Variants in TMEM67 observed in about 807,000 individuals in gnomAD.
The protein encoded by TMEM67 is meckelin.
Under a neutral mutation model 136.6 loss-of-function variants are expected in TMEM67, and 124 were observed. The ratio of observed to expected loss-of-function variants is 0.91; its 90% confidence interval spans 0.78 to 1.05. The LOEUF (loss-of-function observed/expected upper bound fraction) is 1.05, where lower values mean the gene tolerates loss of function less well. TMEM67 is among the 50% of genes least tolerant of loss of function. TMEM67 has a pLI of 0.00. For synonymous variants in TMEM67, 364 were observed against 390.5 expected (o/e 0.93, Z 0.80); for missense variants, 1,107 against 1,178.4 (o/e 0.94, Z 0.89).
chr8:93,811,030 T>C (rs2130786804), intron 26 of TMEM67, among the ~76,000 whole-genome samples: 1 of 152,340 alleles, frequency 6.6e-6, no homozygotes, highest in Non-Finnish European at 1.5e-5. Flanking sequence ...CTAGATATCA[T>C]TTACCCATAT....
intron 3 of TMEM67, chr8:93,760,071 AT>A: frequency 9.6e-7 from 1 of 1,045,012 alleles, no homozygotes; most frequent in Non-Finnish European, 1.3e-6. Context: ...AAGATTAAAT[AT>A]TAGAAAGATG....
chr8:93,773,585 T>C (rs1813413367), intron 7 of TMEM67, among the ~76,000 whole-genome samples: 1 of 152,196 alleles, frequency 6.6e-6, no homozygotes, highest in Non-Finnish European at 1.5e-5. Flanking sequence ...CAGAATTTAC[T>C]CATGAGCTGG....
rs749014913 is a variant in TMEM67 at position 93,765,590 on chromosome 8, A to G, written c.595A>G (p.Ser199Gly). The G allele has an allele frequency of 1.2e-6, 2 of 1,613,094 alleles. No individual in the cohort carries two copies. The highest frequency in any genetic ancestry group is 1.7e-6 in the Non-Finnish European group (2 of 1,179,082). The change falls in exon 6 of 28, where the codon AGC becomes GGC. Residue 199 changes from serine to glycine, a missense_variant. Transcript: ENST00000453321. Reference sequence around the variant, plus strand: ...TATGAAGACAGGGGGATTATGTTTCAGCAGCACAGGGAATTTTCCTCTACG... The same window carrying G: ...TATGAAGACAGGGGGATTATGTTTCGGCAGCACAGGGAATTTTCCTCTACG... ...PNILTGGLCF[S>G]STGNFPLRRI...
downstream of TMEM67, among the ~76,000 whole-genome samples, chr8:93,821,744 CA>C (rs1368956023): frequency 1.3e-5 from 2 of 152,164 alleles, no homozygotes; most frequent in East Asian, 1.9e-4. Context: ...ACCAAAAATA[CA>C]AAAAATTAGC....
At chr8:93,785,924 G>A (rs1290282657) in intron 12 of TMEM67, 3 of 352,598 alleles carry the variant, frequency 8.5e-6, no homozygotes, top group East Asian at 6.7e-5. Flanking sequence ...AAAAAATTTA[G>A]CTTGGTGTGA....
At chr8:93,782,345 A>G (rs554007938) in intron 10 of TMEM67, 50 bp from the exon 11 acceptor site, 3 of 1,448,510 alleles carry the variant, frequency 2.1e-6, no homozygotes, top group East Asian at 2.3e-5. Flanking sequence ...TCTTGAGTAT[A>G]AGAATAGAAA....
intron 4 of TMEM67, 24 bp from the exon 5 acceptor site, chr8:93,765,382 A>G: frequency 3.1e-6 from 5 of 1,589,238 alleles, no homozygotes; most frequent in Non-Finnish European, 3.4e-6. Context: ...ACATTTTTAA[A>G]ATTATTTTTG....
In TMEM67 at chr8:93,780,988, A is replaced by G; in HGVS notation, c.978+6A>G. The G allele has an allele frequency of 6.8e-7, 1 of 1,480,724 alleles. No individual in the cohort carries two copies. The highest frequency in any genetic ancestry group is 9.4e-7 in the Non-Finnish European group (1 of 1,060,126). 91.7% of individuals were successfully genotyped at this position (1,480,724 alleles called of 1,614,324 possible). A position where few individuals can be genotyped will look rare whatever the true frequency, so the allele number is the denominator to read the frequency against. ...GTTTTAAAGGAGAAAACCAGGTAAA[A>G]GTGTCTAATATCATTAGAGGATAAC... is the stretch of plus-strand genomic sequence containing the variant. On this transcript the variant is annotated splice_donor_region_variant and intron_variant, in intron 9 of 27. Coordinates refer to ENST00000453321, the MANE Select transcript of TMEM67 (RefSeq NM_153704.6).
chr8:93,782,541 A>G, intron 11 of TMEM67, 81 bp downstream of exon 11: 2 of 1,009,878 alleles, frequency 2.0e-6, no homozygotes, highest in Non-Finnish European at 2.9e-6. Context: ...TAATACTTAA[A>G]TTTTTGAGAT....
At chr8:93,777,281 G>T (rs948586174) in intron 7 of TMEM67, among the ~76,000 whole-genome samples, 4 of 151,908 alleles carry the variant, frequency 2.6e-5, no homozygotes, top group African/African-American at 9.7e-5. Flanking sequence ...TATCAATTTT[G>T]TTGATCCTTT....
At chr8:93,795,698 G>A (rs1299646283) in intron 17 of TMEM67, among the ~76,000 whole-genome samples, 191 bp downstream of exon 17, 1 of 151,774 alleles carries the variant, frequency 6.6e-6, no homozygotes, top group Non-Finnish European at 1.5e-5. Flanking sequence ...GCTTTCTTTG[G>A]TTTATAAATT....
chr8:93,818,338 G>A (rs1808978964), downstream of TMEM67, among the ~76,000 whole-genome samples: 1 of 152,156 alleles, frequency 6.6e-6, no homozygotes, highest in African/African-American at 2.4e-5. Context: ...AAGCTGTTGT[G>A]TACTTTGGAT....
intron 20 of TMEM67, among the ~76,000 whole-genome samples, chr8:93,797,999 A>G (rs1814697264): frequency 6.6e-6 from 1 of 152,126 alleles, no homozygotes; most frequent in Non-Finnish European, 1.5e-5. Context: ...AAACAAACAA[A>G]CAAAAAGTAG....
chr8:93,779,360 G>C (rs1184670725), intron 7 of TMEM67, among the ~76,000 whole-genome samples: 1 of 152,160 alleles, frequency 6.6e-6, no homozygotes, highest in Non-Finnish European at 1.5e-5. Flanking sequence ...ACTTCTGTCA[G>C]TTTGTCAAAG....
chr8:93,761,430 T>C (rs945650504), intron 3 of TMEM67, among the ~76,000 whole-genome samples: 1 of 152,256 alleles, frequency 6.6e-6, no homozygotes, highest in Admixed American at 6.5e-5. Context: ...ATGGTGTTTA[T>C]CAAAATTAAA....
chr8:93,762,592 C>T (rs1169962393), intron 3 of TMEM67, among the ~76,000 whole-genome samples: 1 of 152,086 alleles, frequency 6.6e-6, no homozygotes, highest in South Asian at 2.1e-4. Flanking sequence ...TTAGTAGTTT[C>T]ATTGGCACTG....
chr8:93,772,552 T>C, intron 6 of TMEM67, 37 bp from the exon 7 acceptor site: 3 of 1,524,678 alleles, frequency 2.0e-6, no homozygotes, highest in Non-Finnish European at 2.7e-6. Flanking sequence ...TTGGAGTCAT[T>C]TGAACTTAAA....
At chr8:93,806,633 C>G (rs574421167) in intron 23 of TMEM67, among the ~76,000 whole-genome samples, 1 of 152,040 alleles carries the variant, frequency 6.6e-6, no homozygotes, top group Admixed American at 6.6e-5. Flanking sequence ...GATTAAGGGG[C>G]CATACCTGTG....
chr8:93,780,199 T>C (rs558099593), intron 7 of TMEM67, among the ~76,000 whole-genome samples: 1 of 151,842 alleles, frequency 6.6e-6, no homozygotes, highest in South Asian at 2.1e-4. Flanking sequence ...TGTAATCTGG[T>C]GTGCCGTTTG....
Sources: gnomAD v4.1 joint callset for allele counts (sites outside exome capture counted in the v4.1 genomes callset) on GRCh38, gnomAD v4.1.1 for gene constraint, MANE v1.5 for transcripts, NCBI Gene and HGNC (gene_info 2026-07-23, HGNC 2026-07-21) for gene names.